LOC128462377: variants seen among roughly 807,000 people sequenced by gnomAD.
the LOC128462377 span, among the ~76,000 whole-genome samples, chr16:89,373,995 C>T: frequency 6.6e-6 from 1 of 152,230 alleles, no homozygotes; most frequent in Admixed American, 6.5e-5. Flanking sequence ...GTCTGACGAC[C>T]ACAATACCTG....
the LOC128462377 span, among the ~76,000 whole-genome samples, chr16:89,399,699 A>T: frequency 6.6e-6 from 1 of 152,306 alleles, no homozygotes; most frequent in African/African-American, 2.4e-5. Context: ...CGCGACTATA[A>T]CAAATGGCCG....
At chr16:89,399,288 ACACT>A in the LOC128462377 span, among the ~76,000 whole-genome samples, 1 of 152,164 alleles carries the variant, frequency 6.6e-6, no homozygotes, top group Non-Finnish European at 1.5e-5. Context: ...GTGACCCAAG[ACACT>A]CATAGGTGAG....
At chr16:89,408,108 G>A in the LOC128462377 span, among the ~76,000 whole-genome samples, 6 of 152,140 alleles carry the variant, frequency 3.9e-5, no homozygotes, top group Non-Finnish European at 8.8e-5. Context: ...CCACTGGCCA[G>A]GCAAAGAGAG....
At chr16:89,377,230 A>G in the LOC128462377 span, among the ~76,000 whole-genome samples, 1 of 152,150 alleles carries the variant, frequency 6.6e-6, no homozygotes, top group East Asian at 1.9e-4. Flanking sequence ...TGTAAGGCTC[A>G]TTACACACAG....
the LOC128462377 span, among the ~76,000 whole-genome samples, chr16:89,317,498 C>T: frequency 6.6e-6 from 1 of 152,178 alleles, no homozygotes; most frequent in African/African-American, 2.4e-5. Context: ...CCCCAGCCCT[C>T]AGGTCTGGCA....
chr16:89,339,545 A>G, the LOC128462377 span, among the ~76,000 whole-genome samples: 22 of 152,214 alleles, frequency 1.4e-4, no homozygotes, highest in Admixed American at 9.2e-4. Flanking sequence ...ATTTAGACGA[A>G]CCCTCAATTT....
chr16:89,387,477 C>G, the LOC128462377 span, among the ~76,000 whole-genome samples: 1 of 150,692 alleles, frequency 6.6e-6, no homozygotes, highest in Non-Finnish European at 1.5e-5. Context: ...CCGAGACCAT[C>G]CCGGCTAACA....
chr16:89,403,007 C>G, the LOC128462377 span, among the ~76,000 whole-genome samples: 4 of 152,184 alleles, frequency 2.6e-5, no homozygotes. Flanking sequence ...CACCTCAGCC[C>G]CACCATCAAA....
the LOC128462377 span, among the ~76,000 whole-genome samples, chr16:89,338,972 C>T: frequency 6.6e-6 from 1 of 152,092 alleles, no homozygotes; most frequent in Non-Finnish European, 1.5e-5. Flanking sequence ...ACTCCTTTCC[C>T]TCAAAGTCAC....
chr16:89,398,021 G>T, the LOC128462377 span, among the ~76,000 whole-genome samples: 1 of 152,250 alleles, frequency 6.6e-6, no homozygotes, highest in Non-Finnish European at 1.5e-5. Flanking sequence ...TGACAATGTA[G>T]CACTGTCTAT....
the LOC128462377 span, among the ~76,000 whole-genome samples, chr16:89,334,213 G>C: frequency 7.0e-6 from 1 of 142,448 alleles, no homozygotes; most frequent in African/African-American, 2.7e-5. Flanking sequence ...CTGTTCCCAA[G>C]CTGCGGGCTC....
At chr16:89,366,233 G>A in the LOC128462377 span, among the ~76,000 whole-genome samples, 1 of 151,568 alleles carries the variant, frequency 6.6e-6, no homozygotes, top group African/African-American at 2.4e-5. Flanking sequence ...ATCCGTCACT[G>A]ATAGATGCTC....
chr16:89,408,170 G>T, the LOC128462377 span, among the ~76,000 whole-genome samples: 1 of 152,110 alleles, frequency 6.6e-6, no homozygotes, highest in Non-Finnish European at 1.5e-5. Context: ...TGCACTATGT[G>T]GCAAGCACTG....
chr16:89,405,396 T>C, the LOC128462377 span, among the ~76,000 whole-genome samples: 6 of 151,582 alleles, frequency 4.0e-5, no homozygotes, highest in Non-Finnish European at 5.9e-5. Flanking sequence ...TGATATGAGC[T>C]CACCGTAGCC....
the LOC128462377 span, among the ~76,000 whole-genome samples, chr16:89,341,058 A>T: frequency 1.3e-5 from 2 of 152,232 alleles, no homozygotes; most frequent in African/African-American, 4.8e-5. Flanking sequence ...ATCCTTTAAC[A>T]TATGCCCAGG....
chr16:89,398,272 T>C, the LOC128462377 span, among the ~76,000 whole-genome samples: 197 of 144,150 alleles, frequency 1.4e-3, no homozygotes, highest in African/African-American at 5.1e-3. Context: ...CAGGTGAAGA[T>C]TACCTGTGAC....
chr16:89,329,340 A>G, the LOC128462377 span, among the ~76,000 whole-genome samples: 7 of 152,338 alleles, frequency 4.6e-5, no homozygotes, highest in East Asian at 7.7e-4. Context: ...GGAAGGGCAC[A>G]AGGGATGCTG....
the LOC128462377 span, among the ~76,000 whole-genome samples, chr16:89,358,517 G>T: frequency 6.6e-6 from 1 of 152,196 alleles, no homozygotes; most frequent in Non-Finnish European, 1.5e-5. Flanking sequence ...CGTTTTCCAT[G>T]ATATCATCAC....
the LOC128462377 span, among the ~76,000 whole-genome samples, chr16:89,410,846 T>C: frequency 6.6e-6 from 1 of 152,208 alleles, no homozygotes; most frequent in African/African-American, 2.4e-5. Flanking sequence ...TGGCCAACTG[T>C]GGCCAGGGCA....
Sources: allele counts gnomAD v4.1 joint callset (sites outside exome capture counted in the v4.1 genomes callset), GRCh38; gene constraint gnomAD v4.1.1; transcripts MANE v1.5.